Variants in TACR1 observed in about 807,000 individuals in gnomAD.
The protein encoded by TACR1 is tachykinin receptor 1, also known as substance-P receptor.
TACR1 carries 25 observed loss-of-function variants against 35.8 expected under a neutral mutation model. The ratio of observed to expected loss-of-function variants is 0.70; its 90% CI spans 0.51 to 0.98. The LOEUF (loss-of-function observed/expected upper bound fraction) is 0.98, where lower values mean the gene tolerates loss of function less well. Among genes scored for constraint, TACR1 ranks in the 50% least tolerant of loss-of-function variants. The pLI, the probability that TACR1 is intolerant of heterozygous loss-of-function variation, is 0.00. For missense variants in TACR1, 478 were observed against 522.9 expected (o/e 0.91, Z 0.84); for synonymous variants, 195 against 206.7 (o/e 0.94, Z 0.48).
intron 2 of TACR1, among the ~76,000 whole-genome samples, chr2:75,106,173 A>C (rs1422677011): frequency 6.6e-6 from 1 of 152,076 alleles, no homozygotes; most frequent in Non-Finnish European, 1.5e-5. Context: ...ATATAACTTT[A>C]TTAAAAATGG....
At chr2:75,135,552 G>T (rs1256034028) in intron 1 of TACR1, among the ~76,000 whole-genome samples, 1 of 152,332 alleles carries the variant, frequency 6.6e-6, no homozygotes, top group East Asian at 1.9e-4. Flanking sequence ...CCAGGGCCAG[G>T]CGCCCAAAGA....
chr2:75,077,047 C>A (rs374532256), intron 2 of TACR1, among the ~76,000 whole-genome samples: 1 of 152,064 alleles, frequency 6.6e-6, no homozygotes, highest in African/African-American at 2.4e-5. Flanking sequence ...CTTGGCTCAC[C>A]GTAACTTCTG....
At chr2:75,146,350 T>A (rs1674512323) in intron 1 of TACR1, among the ~76,000 whole-genome samples, 3 of 152,180 alleles carry the variant, frequency 2.0e-5, no homozygotes. Flanking sequence ...CTCGAACTCC[T>A]GACCTCAGGC....
At chr2:75,103,606 G>A (rs893129503) in intron 2 of TACR1, among the ~76,000 whole-genome samples, 1 of 152,022 alleles carries the variant, frequency 6.6e-6, no homozygotes. Context: ...TGATGGAGAA[G>A]AGACAAATCT....
chr2:75,150,108 G>A (rs1674638650), intron 1 of TACR1, among the ~76,000 whole-genome samples: 1 of 152,144 alleles, frequency 6.6e-6, no homozygotes, highest in Non-Finnish European at 1.5e-5. Flanking sequence ...GATAATGATG[G>A]ATAAGCTTTT....
chr2:75,127,772 G>T (rs1361227922), intron 1 of TACR1, among the ~76,000 whole-genome samples: 1 of 152,178 alleles, frequency 6.6e-6, no homozygotes, highest in African/African-American at 2.4e-5. Flanking sequence ...TCCAGACCCT[G>T]GGAGCCTTCC....
chr2:75,183,330 A>G (rs1001245127), intron 1 of TACR1, among the ~76,000 whole-genome samples: 6 of 152,230 alleles, frequency 3.9e-5, no homozygotes, highest in African/African-American at 1.4e-4. Flanking sequence ...CGAAAAAATG[A>G]AACTTAGTGT....
At chr2:75,189,992 C>G (rs1675803444) in intron 1 of TACR1, 1 of 152,132 alleles carries the variant, frequency 6.6e-6, no homozygotes, top group African/African-American at 2.4e-5. Flanking sequence ...TGGAAGTATT[C>G]TATCTCATGT....
intron 2 of TACR1, among the ~76,000 whole-genome samples, chr2:75,085,372 C>A (rs555511363): frequency 2.6e-5 from 4 of 152,256 alleles, no homozygotes; most frequent in African/African-American, 9.6e-5. Context: ...TGGTGTCCTG[C>A]AATCATTTCT....
At chr2:75,131,363 C>T (rs1240405175) in intron 1 of TACR1, among the ~76,000 whole-genome samples, 1 of 152,094 alleles carries the variant, frequency 6.6e-6, no homozygotes, top group Non-Finnish European at 1.5e-5. Flanking sequence ...GCTGGGATTA[C>T]AGGTGTGAGC....
At chr2:75,157,522 A>C (rs1674892517) in intron 1 of TACR1, among the ~76,000 whole-genome samples, 2 of 152,230 alleles carry the variant, frequency 1.3e-5, no homozygotes, top group Non-Finnish European at 2.9e-5. Context: ...ACCTGTTCAC[A>C]AACAATGTGT....
intron 2 of TACR1, among the ~76,000 whole-genome samples, chr2:75,068,371 G>C (rs1276974851): frequency 6.6e-6 from 1 of 152,098 alleles, no homozygotes; most frequent in Non-Finnish European, 1.5e-5. Context: ...AATGTTAATC[G>C]CGTTTACAGA....
chr2:75,073,908 G>C (rs1672928683), intron 2 of TACR1, among the ~76,000 whole-genome samples: 1 of 152,154 alleles, frequency 6.6e-6, no homozygotes, highest in Non-Finnish European at 1.5e-5. Flanking sequence ...ACAGCTGTGA[G>C]GCCCTTTCCT....
chr2:75,167,612 A>G (rs977987480), intron 1 of TACR1, among the ~76,000 whole-genome samples: 6 of 152,338 alleles, frequency 3.9e-5, no homozygotes, highest in African/African-American at 9.6e-5. Flanking sequence ...AAAAAATTTC[A>G]TTATCTCACT....
intron 1 of TACR1, among the ~76,000 whole-genome samples, chr2:75,135,070 C>G (rs1048568526): frequency 6.6e-6 from 1 of 152,132 alleles, no homozygotes; most frequent in African/African-American, 2.4e-5. Flanking sequence ...TACAGACCAC[C>G]CTGTGGCCTG....
chr2:75,060,749 G>C (rs1672655209), intron 2 of TACR1, among the ~76,000 whole-genome samples: 1 of 152,214 alleles, frequency 6.6e-6, no homozygotes, highest in South Asian at 2.1e-4. Context: ...GAAAAGTCCA[G>C]AGGCAGTGAG....
intron 1 of TACR1, among the ~76,000 whole-genome samples, chr2:75,186,114 C>T (rs914713949): frequency 6.6e-6 from 1 of 152,128 alleles, no homozygotes; most frequent in Non-Finnish European, 1.5e-5. Flanking sequence ...TGGCTCACGC[C>T]TGTAATCCCA....
intron 2 of TACR1, 93 bp downstream of exon 2, chr2:75,120,481 C>T: frequency 1.6e-6 from 2 of 1,242,944 alleles, no homozygotes; most frequent in South Asian, 3.2e-5. Context: ...TCTGTACCAA[C>T]AAAAGAATAT....
chr2:75,150,713 C>T (rs1166847153), intron 1 of TACR1, among the ~76,000 whole-genome samples: 1 of 152,124 alleles, frequency 6.6e-6, no homozygotes, highest in Non-Finnish European at 1.5e-5. Context: ...GAAAAGATAC[C>T]TGAAAATGTG....
Sources: allele counts gnomAD v4.1 joint callset (sites outside exome capture counted in the v4.1 genomes callset), GRCh38; gene constraint gnomAD v4.1.1; transcripts MANE v1.5; gene names NCBI Gene and HGNC (gene_info 2026-07-23, HGNC 2026-07-21).